ST8SIA6: variants seen among roughly 807,000 people sequenced by gnomAD.
ST8SIA6 encodes the protein ST8 alpha-N-acetyl-neuraminide alpha-2,8-sialyltransferase 6.
In ST8SIA6, 39 loss-of-function variants were observed where a neutral mutation model predicts 33.6. The observed-to-expected ratio is 1.16, with a 90% CI of 0.90 to 1.52. ST8SIA6 has a LOEUF of 1.52. ST8SIA6 is among the 40% of genes most tolerant of loss of function. ST8SIA6 has a pLI of 0.00. For synonymous variants in ST8SIA6, 172 were observed against 167.2 expected, an observed-to-expected ratio of 1.03 and a Z score of -0.22; for missense variants, 441 against 443.8, an observed-to-expected ratio of 0.99 and a Z score of 0.06.
At chr10:17,438,575 G>C (rs897805548) in intron 2 of ST8SIA6, among the ~76,000 whole-genome samples, 12 of 152,054 alleles carry the variant, frequency 7.9e-5, no homozygotes, top group African/African-American at 2.9e-4. Context: ...CTCAAAGACT[G>C]CCTGTGAGCT....
intron 3 of ST8SIA6, among the ~76,000 whole-genome samples, chr10:17,381,968 G>A (rs1230310277): frequency 6.6e-6 from 1 of 152,150 alleles, no homozygotes; most frequent in African/African-American, 2.4e-5. Context: ...CTGTGTTCAG[G>A]AATGAACAAG....
rs375234584 is a variant in ST8SIA6 at position 17,348,437 on chromosome 10, C to T, written c.377+11077G>A. ...ATAAAAGGTCTCATTATTTCATGAA[C>T]TTCAATTTACCAGGCCAAGTCCTAA... On this transcript the variant is annotated intron_variant, in intron 4 of 7. Coordinates refer to ENST00000377602, the MANE Select transcript of ST8SIA6 (RefSeq NM_001004470.3). 3.9e-5 allele frequency among the ~76,000 whole-genome samples: 6 copies of T among 152,216 alleles called. No homozygotes were observed. In the East Asian group the frequency reaches 9.7e-4, roughly 25 times the overall value.
In ST8SIA6 at chr10:17,333,719, T is replaced by A. The variant is rs866670116; in HGVS notation, c.378-2167A>T. ...TATATATATATATATATATATATAT[T>A]TTTTTTTTTTTTTTTTTTTTTTGCT... On this transcript the variant is annotated intron_variant, in intron 4 of 7. Transcript: ENST00000377602. Among the ~76,000 whole-genome samples, 357 of 38,428 alleles carry A rather than the reference T, an allele frequency of 9.3e-3. 1 individual carries two copies. The highest frequency in any genetic ancestry group is 0.019 in the South Asian group (15 of 782). The allele number at this position is 38,428 out of a possible 152,430, so 25.2% of individuals were successfully genotyped here. A position where few individuals can be genotyped will look rare whatever the true frequency, so the allele number is the denominator to read the frequency against.
chr10:17,448,782 A>AT (rs753562099), intron 2 of ST8SIA6, among the ~76,000 whole-genome samples: 18,093 of 123,366 alleles, frequency 0.15, 1,718 homozygotes, highest in South Asian at 0.2. Flanking sequence ...CGCCAGGCTA[A>AT]TTTTTTTTTT....
chr10:17,335,147 A>G (rs1343708865), intron 4 of ST8SIA6, among the ~76,000 whole-genome samples: 1 of 152,216 alleles, frequency 6.6e-6, no homozygotes, highest in Non-Finnish European at 1.5e-5. Context: ...TTTTCCTCAT[A>G]GGACCAGTTT....
intron 5 of ST8SIA6, among the ~76,000 whole-genome samples, chr10:17,330,470 CA>C (rs1266574475): frequency 1.3e-5 from 2 of 152,146 alleles, no homozygotes; most frequent in Non-Finnish European, 2.9e-5. Context: ...AGAAAATTTA[CA>C]GTATTTTTTC....
intron 4 of ST8SIA6, among the ~76,000 whole-genome samples, chr10:17,341,411 T>C (rs1848668191): frequency 6.6e-6 from 1 of 152,060 alleles, no homozygotes; most frequent in African/African-American, 2.4e-5. Context: ...TTAAGGACCA[T>C]AAGGTAAAGG....
intron 7 of ST8SIA6, among the ~76,000 whole-genome samples, chr10:17,322,429 G>A (rs938421747): frequency 1.3e-5 from 2 of 152,090 alleles, no homozygotes; most frequent in African/African-American, 4.8e-5. Context: ...GTATAATCGT[G>A]AGTGTTTAGA....
intron 5 of ST8SIA6, among the ~76,000 whole-genome samples, chr10:17,328,615 T>C (rs1848206810): frequency 1.3e-5 from 2 of 152,224 alleles, no homozygotes; most frequent in African/African-American, 4.8e-5. Flanking sequence ...AGGCTGTTTA[T>C]TATTTTTAAT....
chr10:17,441,340 G>C (rs555217999), intron 2 of ST8SIA6, among the ~76,000 whole-genome samples: 1 of 99,428 alleles, frequency 1.0e-5, no homozygotes, highest in Non-Finnish European at 1.8e-5. Context: ...TTGAGACGGA[G>C]TCTCGCTCGT....
rs185847597 is a variant in ST8SIA6 at position 17,333,903 on chromosome 10, G to T, written c.378-2351C>A. Among the ~76,000 whole-genome samples, 266 of 149,548 alleles carry T rather than the reference G, an allele frequency of 1.8e-3. 1 individual carries two copies. Among genetic ancestry groups the T allele is most frequent in the African/African-American group, 6.3e-3 (256 of 40,688 alleles). On this transcript the variant is annotated intron_variant, in intron 4 of 7. Coordinates refer to ENST00000377602, the MANE Select transcript of ST8SIA6 (RefSeq NM_001004470.3). ...TGTCCGGCTAATTTTTGTATTTTTA[G>T]TAAGGACAGGGTCCAACCATGTTGG...
At position 17,327,009 on chromosome 10, in the gene ST8SIA6, C is replaced by A; in HGVS notation, c.635+5G>T. On this transcript the variant is annotated splice_donor_5th_base_variant and intron_variant, in intron 6 of 7. Transcript: ENST00000377602. ...TTTCAAAGAAACCAATTTGTCAGGT[C>A]TTACCTAAAAACGAAGTCGGATTTA... is the stretch of plus-strand genomic sequence containing the variant. 6.3e-7 allele frequency: 1 copy of A among 1,590,926 alleles called. No individual in the cohort carries two copies. Among genetic ancestry groups the A allele is most frequent in the South Asian group, 1.2e-5 (1 of 86,870 alleles).
chr10:17,411,887 A>G (rs1162237122), intron 2 of ST8SIA6, among the ~76,000 whole-genome samples: 5 of 151,804 alleles, frequency 3.3e-5, no homozygotes, highest in East Asian at 1.9e-4. Context: ...CATGATGAAC[A>G]TATATTTGCA....
intron 2 of ST8SIA6, among the ~76,000 whole-genome samples, chr10:17,397,478 G>C (rs187421321): frequency 1.3e-3 from 192 of 152,028 alleles, no homozygotes; most frequent in African/African-American, 4.5e-3. Flanking sequence ...CAGGTGATCC[G>C]CCCGCCTCGG....
chr10:17,336,861 T>C (rs1200869437), intron 4 of ST8SIA6, among the ~76,000 whole-genome samples: 8 of 152,180 alleles, frequency 5.3e-5, no homozygotes, highest in Admixed American at 5.2e-4. Flanking sequence ...CCAAAAGTGC[T>C]GGGATTACAC....
At chr10:17,377,310 C>T (rs569606708) in intron 3 of ST8SIA6, among the ~76,000 whole-genome samples, 1 of 152,176 alleles carries the variant, frequency 6.6e-6, no homozygotes, top group African/African-American at 2.4e-5. Context: ...ACTCCCTTTT[C>T]GGACTTGGTC....
At chr10:17,368,230 T>C (rs1588847543) in intron 3 of ST8SIA6, among the ~76,000 whole-genome samples, 1 of 34,342 alleles carries the variant, frequency 2.9e-5, no homozygotes, top group African/African-American at 1.2e-4. Context: ...ATCCTGTCTC[T>C]ACAAAAAAAA....
intron 3 of ST8SIA6, among the ~76,000 whole-genome samples, chr10:17,369,073 T>G (rs1014815936): frequency 6.6e-6 from 1 of 152,190 alleles, no homozygotes; most frequent in African/African-American, 2.4e-5. Flanking sequence ...TAGTTAAAAG[T>G]TTTTAGTAGC....
At chr10:17,430,416 G>A (rs777623188) in intron 2 of ST8SIA6, among the ~76,000 whole-genome samples, 4 of 152,178 alleles carry the variant, frequency 2.6e-5, no homozygotes, top group Admixed American at 1.3e-4. Flanking sequence ...ACCTGATAGT[G>A]GGATTGCTGG....
Sources: allele counts gnomAD v4.1 joint callset (sites outside exome capture counted in the v4.1 genomes callset), GRCh38; gene constraint gnomAD v4.1.1; transcripts MANE v1.5; gene names NCBI Gene and HGNC (gene_info 2026-07-23, HGNC 2026-07-21).